The following DLGAP2 variants were observed in gnomAD, a reference collection of about 807,000 sequenced individuals.
DLGAP2 encodes the protein disks large-associated protein 2.
Under a neutral mutation model 100.3 loss-of-function variants are expected in DLGAP2, and 26 were observed. The observed-to-expected ratio is 0.26, with a 90% confidence interval of 0.19 to 0.36. The LOEUF (loss-of-function observed/expected upper bound fraction) is 0.36. Among genes scored for constraint, DLGAP2 ranks in the 10% least tolerant of loss-of-function variants. The pLI is 1.00. For missense variants in DLGAP2, 1,858 were observed against 1,453.2 expected, an observed-to-expected ratio of 1.28 and a Z score of -4.53; for synonymous variants, 886 against 630.1, an observed-to-expected ratio of 1.41 and a Z score of -6.08.
In DLGAP2 at chr8:1,457,975, CATATATATATATATATATATATAT is replaced by C. The variant is rs57897392; in HGVS notation, c.107-43375_107-43352del. Among the ~76,000 whole-genome samples, 817 of 107,746 alleles carry C rather than the reference CATATATATATATATATATATATAT, an allele frequency of 7.6e-3. 8 individuals carry two copies. Among genetic ancestry groups the C allele is most frequent in the African/African-American group, 0.025 (745 of 29,624 alleles). The allele number at this position is 107,746 out of a possible 152,430, so 70.7% of individuals were successfully genotyped here. A position where few individuals can be genotyped will look rare whatever the true frequency, so the allele number is the denominator to read the frequency against. ...CTGTCAATTGTCTCTGTTCTCTGAT[CATATATATATATATATATATATAT>C]ATATATATATATATAATTTTTTATA... On this transcript the variant is annotated intron_variant, in intron 3 of 14. Coordinates refer to ENST00000637795, the MANE Select transcript of DLGAP2 (RefSeq NM_001346810.2).
chr8:947,601 C>G (rs1799360418), intron 2 of DLGAP2, among the ~76,000 whole-genome samples: 1 of 152,192 alleles, frequency 6.6e-6, no homozygotes, highest in Non-Finnish European at 1.5e-5. Flanking sequence ...ACCAACCGGC[C>G]CAGGCCCCGC....
intron 3 of DLGAP2, among the ~76,000 whole-genome samples, chr8:1,327,646 C>T (rs908802847): frequency 6.6e-6 from 1 of 152,074 alleles, no homozygotes; most frequent in Non-Finnish European, 1.5e-5. Flanking sequence ...AGATCGAGAC[C>T]ATCCTGACTA....
At chr8:1,571,090 G>A (rs530063961) in intron 6 of DLGAP2, among the ~76,000 whole-genome samples, 8 of 132,928 alleles carry the variant, frequency 6.0e-5, no homozygotes, top group African/African-American at 1.8e-4. Context: ...AGGAGAGAGG[G>A]TGAACTGTGG....
chr8:1,386,093 C>T (rs1016464134), intron 3 of DLGAP2, among the ~76,000 whole-genome samples: 1 of 152,168 alleles, frequency 6.6e-6, no homozygotes, highest in African/African-American at 2.4e-5. Flanking sequence ...AACAATCTCC[C>T]AGAAAACAGG....
At chr8:1,368,212 A>G (rs932766108) in intron 3 of DLGAP2, among the ~76,000 whole-genome samples, 20 of 151,726 alleles carry the variant, frequency 1.3e-4, no homozygotes, top group South Asian at 4.2e-4. Flanking sequence ...GTGTGTCCAT[A>G]TATCTGTGTG....
At chr8:1,534,534 C>G (rs1320982457) in intron 4 of DLGAP2, among the ~76,000 whole-genome samples, 1 of 152,214 alleles carries the variant, frequency 6.6e-6, no homozygotes, top group South Asian at 2.1e-4. Flanking sequence ...AGTTGAACAC[C>G]TGAGTTTAGA....
chr8:1,007,994 T>C (rs1407995871), intron 2 of DLGAP2, among the ~76,000 whole-genome samples: 1 of 152,172 alleles, frequency 6.6e-6, no homozygotes, highest in Non-Finnish European at 1.5e-5. Context: ...TCTTTTCCTG[T>C]GATGGATGAG....
intron 3 of DLGAP2, among the ~76,000 whole-genome samples, chr8:1,479,303 G>C (rs1228433464): frequency 6.6e-6 from 1 of 152,246 alleles, no homozygotes; most frequent in Admixed American, 6.5e-5. Context: ...AGAATAAGAT[G>C]CTGGGCGCAG....
chr8:827,449 G>A (rs1796702986), intron 1 of DLGAP2, among the ~76,000 whole-genome samples: 1 of 152,176 alleles, frequency 6.6e-6, no homozygotes, highest in Non-Finnish European at 1.5e-5. Flanking sequence ...ACAACCCACT[G>A]AACTTACTCA....
At chr8:1,507,616 G>A (rs1213458602) in intron 4 of DLGAP2, among the ~76,000 whole-genome samples, 3 of 152,190 alleles carry the variant, frequency 2.0e-5, no homozygotes, top group Non-Finnish European at 2.9e-5. Context: ...GCGCCGAGGC[G>A]GAGGAGGCGC....
rs542890643 is a variant in DLGAP2 at position 1,496,356 on chromosome 8, G to A, written c.107-5010G>A. 5.9e-5 allele frequency among the ~76,000 whole-genome samples: 9 copies of A among 152,200 alleles called. No homozygotes were observed. The South Asian group carries it at 1.7e-3, about 28-fold the overall frequency. On this transcript the variant is annotated intron_variant, in intron 3 of 14. Coordinates refer to ENST00000637795, the MANE Select transcript of DLGAP2 (RefSeq NM_001346810.2). ...GGTCGGAACCTGCAGGTCTGTCTGC[G>A]CCTCTGTCCTCTGAGTATGCGCTCT...
chr8:1,062,193 C>G (rs1431716732), intron 2 of DLGAP2, among the ~76,000 whole-genome samples: 1 of 152,176 alleles, frequency 6.6e-6, no homozygotes, highest in South Asian at 2.1e-4. Flanking sequence ...CAAGCAGCCC[C>G]CACATCCACA....
chr8:1,313,111 G>A (rs371037248), intron 3 of DLGAP2, among the ~76,000 whole-genome samples: 12 of 152,194 alleles, frequency 7.9e-5, no homozygotes, highest in East Asian at 7.7e-4. Flanking sequence ...GATATTTGAT[G>A]TTGCCCCTTT....
At chr8:1,281,647 A>C (rs900274794) in intron 3 of DLGAP2, among the ~76,000 whole-genome samples, 1 of 152,144 alleles carries the variant, frequency 6.6e-6, no homozygotes, top group African/African-American at 2.4e-5. Context: ...TACACAATCA[A>C]GAGTACAGCA....
intron 3 of DLGAP2, among the ~76,000 whole-genome samples, chr8:1,303,533 G>A (rs763735164): frequency 6.6e-6 from 1 of 152,126 alleles, no homozygotes; most frequent in Non-Finnish European, 1.5e-5. Flanking sequence ...GCTGTGCGCT[G>A]CGCTGGTCTT....
intron 2 of DLGAP2, among the ~76,000 whole-genome samples, chr8:1,155,492 G>C (rs574121048): frequency 1.3e-5 from 2 of 152,144 alleles, no homozygotes; most frequent in African/African-American, 4.8e-5. Flanking sequence ...ATCTTGGAGG[G>C]AACTTTTCTA....
chr8:1,346,736 A>C (rs7838343), intron 3 of DLGAP2, among the ~76,000 whole-genome samples: 80,257 of 127,336 alleles, frequency 0.63, 23,191 homozygotes, highest in East Asian at 0.84. Flanking sequence ...TACAGAGCTG[A>C]ATTGCACTCA....
chr8:1,605,123 A>G (rs1028121163), intron 6 of DLGAP2, among the ~76,000 whole-genome samples: 1 of 152,172 alleles, frequency 6.6e-6, no homozygotes, highest in African/African-American at 2.4e-5. Context: ...GCCAGGCACC[A>G]TCATTGCTTC....
chr8:1,619,615 C>G (rs549881398), intron 6 of DLGAP2: 2 of 152,206 alleles, frequency 1.3e-5, no homozygotes, highest in African/African-American at 4.8e-5. Context: ...ACAGGTCTTG[C>G]AAGGACAAGT....
Sources: allele counts gnomAD v4.1 joint callset (sites outside exome capture counted in the v4.1 genomes callset), GRCh38; gene constraint gnomAD v4.1.1; transcripts MANE v1.5; gene names NCBI Gene and HGNC (gene_info 2026-07-23, HGNC 2026-07-21).